Variants in STK32B observed in about 807,000 individuals in gnomAD.
STK32B encodes the protein serine/threonine-protein kinase 32B.
STK32B carries 43 observed loss-of-function variants against 52.6 expected under a neutral mutation model. That is an observed-to-expected ratio of 0.82 (90% CI 0.64 to 1.05). The LOEUF (loss-of-function observed/expected upper bound fraction) is 1.05, where lower values mean the gene tolerates loss of function less well. Among genes scored for constraint, STK32B ranks in the 50% least tolerant of loss-of-function variants. The pLI, the probability that STK32B is intolerant of heterozygous loss-of-function variation, is 0.00. For missense variants in STK32B, 621 were observed against 534.6 expected, an observed-to-expected ratio of 1.16 and a Z score of -1.59; for synonymous variants, 238 against 204.3, an observed-to-expected ratio of 1.17 and a Z score of -1.41.
intron 3 of STK32B, among the ~76,000 whole-genome samples, chr4:5,196,714 CTG>C (rs889397077): frequency 2.3e-4 from 29 of 126,702 alleles, no homozygotes; most frequent in African/African-American, 8.3e-4. Flanking sequence ...GAGCGAGACT[CTG>C]TCTCAAAAAA....
intron 6 of STK32B, among the ~76,000 whole-genome samples, chr4:5,439,925 A>G (rs891504170): frequency 1.4e-4 from 22 of 152,084 alleles, no homozygotes; most frequent in East Asian, 3.9e-4. Flanking sequence ...GATATGCGGC[A>G]TTATTTCTAA....
intron 1 of STK32B, among the ~76,000 whole-genome samples, chr4:5,134,783 G>C (rs954021099): frequency 6.6e-6 from 1 of 152,214 alleles, no homozygotes; most frequent in Non-Finnish European, 1.5e-5. Flanking sequence ...CGGGATGTTT[G>C]CTTACTTTTC....
At position 5,257,456 on chromosome 4, in the gene STK32B, C is replaced by G. The variant is rs192752055; in HGVS notation, c.261-73764C>G. ...TGAGTGGATGGATGCAGAGCACTGT[C>G]CAGAACATGGTAGCTCCTCCCCACT... On this transcript the variant is annotated intron_variant, in intron 3 of 11. Coordinates refer to ENST00000282908, the MANE Select transcript of STK32B (RefSeq NM_018401.3). Among the ~76,000 whole-genome samples the G allele has an allele frequency of 2.1e-3, 327 of 152,300 alleles. 2 individuals are homozygous for G. The highest frequency in any genetic ancestry group is 3.4e-3 in the Non-Finnish European group (228 of 68,010).
intron 3 of STK32B, among the ~76,000 whole-genome samples, chr4:5,323,077 G>T (rs1731625303): frequency 6.6e-6 from 1 of 152,174 alleles, no homozygotes; most frequent in Non-Finnish European, 1.5e-5. Context: ...AGTGTTAAGG[G>T]ATGAGCAGGG....
intron 3 of STK32B, among the ~76,000 whole-genome samples, chr4:5,313,045 C>T (rs1730412664): frequency 6.6e-6 from 1 of 151,594 alleles, no homozygotes; most frequent in Admixed American, 6.6e-5. Flanking sequence ...CAACATAGCT[C>T]ATGAATATAG....
At chr4:5,056,464 G>A (rs1200373417) in intron 1 of STK32B, among the ~76,000 whole-genome samples, 2 of 152,230 alleles carry the variant, frequency 1.3e-5, no homozygotes, top group Non-Finnish European at 2.9e-5. Flanking sequence ...ATAAATGAAT[G>A]AGTGAATGAA....
intron 3 of STK32B, among the ~76,000 whole-genome samples, chr4:5,175,219 G>GT (rs964643627): frequency 2.6e-5 from 4 of 151,840 alleles, no homozygotes; most frequent in African/African-American, 9.7e-5. Flanking sequence ...TTTTTTTCAA[G>GT]TTTTTTAACT....
At chr4:5,109,121 A>G (rs1714258984) in intron 1 of STK32B, among the ~76,000 whole-genome samples, 1 of 152,190 alleles carries the variant, frequency 6.6e-6, no homozygotes, top group East Asian at 1.9e-4. Flanking sequence ...AGCCTTGTCC[A>G]GCAACAAAAC....
intron 6 of STK32B, among the ~76,000 whole-genome samples, chr4:5,430,402 T>G (rs915519315): frequency 1.3e-5 from 2 of 152,216 alleles, no homozygotes; most frequent in African/African-American, 4.8e-5. Context: ...ATTTGTTTGT[T>G]TTTAGCATTT....
intron 7 of STK32B, among the ~76,000 whole-genome samples, chr4:5,452,295 C>T (rs1225335904): frequency 6.6e-6 from 1 of 151,848 alleles, no homozygotes; most frequent in Non-Finnish European, 1.5e-5. Flanking sequence ...GGAGGTTGCC[C>T]AGAGCTCCGC....
At chr4:5,227,441 A>G (rs1005864574) in intron 3 of STK32B, among the ~76,000 whole-genome samples, 4 of 152,254 alleles carry the variant, frequency 2.6e-5, no homozygotes, top group African/African-American at 9.6e-5. Flanking sequence ...ATTTATTAAT[A>G]CCACCACTGA....
intron 2 of STK32B, among the ~76,000 whole-genome samples, chr4:5,159,596 TGAA>T (rs1718200923): frequency 8.1e-6 from 1 of 123,826 alleles, no homozygotes; most frequent in Non-Finnish European, 1.6e-5. Context: ...TGAATATATA[TGAA>T]TATATATATG....
At chr4:5,484,876 G>C (rs956170349) in intron 11 of STK32B, among the ~76,000 whole-genome samples, 2 of 152,106 alleles carry the variant, frequency 1.3e-5, no homozygotes, top group African/African-American at 4.8e-5. Flanking sequence ...ATGAAATTCT[G>C]GGTTGAAAAT....
At chr4:5,175,225 T>A (rs1274216312) in intron 3 of STK32B, among the ~76,000 whole-genome samples, 5 of 152,160 alleles carry the variant, frequency 3.3e-5, no homozygotes, top group African/African-American at 1.2e-4. Context: ...TCAAGTTTTT[T>A]AACTTCTTTG....
At chr4:5,488,657 C>G (rs932642855) in intron 11 of STK32B, among the ~76,000 whole-genome samples, 4 of 152,148 alleles carry the variant, frequency 2.6e-5, no homozygotes, top group African/African-American at 9.7e-5. Flanking sequence ...CCTTAAATAA[C>G]TCAGTCATTT....
intron 3 of STK32B, among the ~76,000 whole-genome samples, chr4:5,279,456 C>G (rs891813454): frequency 2.0e-5 from 3 of 152,188 alleles, no homozygotes. Flanking sequence ...GCCTCTGGCT[C>G]TGTGGCTATG....
chr4:5,323,241 G>A (rs575114882), intron 3 of STK32B, among the ~76,000 whole-genome samples: 3 of 152,210 alleles, frequency 2.0e-5, no homozygotes, highest in Admixed American at 6.5e-5. Context: ...GCTACCTCTT[G>A]AGTTCTGAAA....
intron 11 of STK32B, among the ~76,000 whole-genome samples, chr4:5,475,692 C>A (rs57153938): frequency 1.4e-5 from 2 of 147,914 alleles, no homozygotes; most frequent in Non-Finnish European, 3.0e-5. Context: ...AGCAATACTC[C>A]GTTCCAAAAA....
chr4:5,397,746 T>C (rs1043194491), intron 4 of STK32B, among the ~76,000 whole-genome samples: 1 of 152,246 alleles, frequency 6.6e-6, no homozygotes, highest in Non-Finnish European at 1.5e-5. Flanking sequence ...GGCCCAGGGC[T>C]GGATTTGGCC....
Sources: allele counts gnomAD v4.1 joint callset (sites outside exome capture counted in the v4.1 genomes callset), GRCh38; gene constraint gnomAD v4.1.1; transcripts MANE v1.5; gene names NCBI Gene and HGNC (gene_info 2026-07-23, HGNC 2026-07-21).